The following TRMT10B variants were observed in gnomAD, a reference collection of about 807,000 sequenced individuals.
The protein encoded by TRMT10B is tRNA methyltransferase 10 homolog B.
A neutral mutation model predicts 43.8 loss-of-function variants in TRMT10B; 33 were observed. The observed-to-expected ratio is 0.75, with a 90% CI of 0.57 to 1.01. The LOEUF (loss-of-function observed/expected upper bound fraction) is 1.01, where lower values mean the gene tolerates loss of function less well. TRMT10B is among the 50% of genes least tolerant of loss of function. The probability of loss-of-function intolerance (pLI) is 0.00; values close to 1 mark genes in which losing one functional copy is unlikely to be tolerated. For missense variants in TRMT10B, 362 were observed against 369.8 expected (o/e 0.98, Z 0.17); for synonymous variants, 137 against 130.6 (o/e 1.05, Z -0.34).
At chr9:37,756,364 T>C (rs1825671396) in intron 1 of TRMT10B, among the ~76,000 whole-genome samples, 1 of 152,010 alleles carries the variant, frequency 6.6e-6, no homozygotes, top group Non-Finnish European at 1.5e-5. Context: ...AGTCTGTTCA[T>C]TCATCTAAAA....
At chr9:37,770,052 C>T in intron 6 of TRMT10B, 33 bp downstream of exon 6, 2 of 1,559,492 alleles carry the variant, frequency 1.3e-6, no homozygotes, top group Non-Finnish European at 1.8e-6. Context: ...TCGTATAGCC[C>T]ATTGTTCCTG....
chr9:37,765,673 CA>C (rs1826911981), intron 4 of TRMT10B, among the ~76,000 whole-genome samples: 2 of 152,324 alleles, frequency 1.3e-5, no homozygotes, highest in African/African-American at 4.8e-5. Context: ...CCGACTTCCA[CA>C]ATGGTTGAAC....
rs1301881935 is a variant in TRMT10B at position 37,778,964 on chromosome 9, G to GCAAA, written c.*1260_*1263dup. 3 of 143,102 alleles carry GCAAA rather than the reference G, an allele frequency of 2.1e-5. No individual in the cohort carries two copies. Among genetic ancestry groups the GCAAA allele is most frequent in the African/African-American group, 8.0e-5 (3 of 37,460 alleles). The allele number at this position is 143,102 out of a possible 1,614,324, so 8.9% of individuals were successfully genotyped here. A position where few individuals can be genotyped will look rare whatever the true frequency, so the allele number is the denominator to read the frequency against. On this transcript the variant is annotated 3_prime_UTR_variant, in exon 9 of 9. Coordinates refer to ENST00000297994, the MANE Select transcript of TRMT10B (RefSeq NM_144964.4). ...TATTTGTAACAGATTAAATTGGAAAGCAAACACAGTATTGATTAAGTCTGT... is the reference window on the plus strand; with the variant it reads ...TATTTGTAACAGATTAAATTGGAAAGCAAACAAACACAGTATTGATTAAGTCTGT...
chr9:37,757,748 T>C (rs1183347504), intron 1 of TRMT10B, among the ~76,000 whole-genome samples: 1 of 152,226 alleles, frequency 6.6e-6, no homozygotes, highest in African/African-American at 2.4e-5. Context: ...ACTTGTTTTA[T>C]ATCAGTAAGT....
In TRMT10B at chr9:37,775,949, G is replaced by A. The variant is rs77546670; in HGVS notation, c.721-333G>A. Among the ~76,000 whole-genome samples the A allele has an allele frequency of 5.0e-3, 762 of 152,328 alleles. 5 individuals carry two copies. Among genetic ancestry groups the A allele is most frequent in the African/African-American group, 0.018 (736 of 41,568 alleles). On this transcript the variant is annotated intron_variant, in intron 7 of 8. Coordinates refer to ENST00000297994, the MANE Select transcript of TRMT10B (RefSeq NM_144964.4). Reference sequence around the variant, plus strand: ...GCTGCCTTTTGGCAATGAGCTGGAAGTTCCAGATATCCAGAATTGGGTCTT... The same window carrying A: ...GCTGCCTTTTGGCAATGAGCTGGAAATTCCAGATATCCAGAATTGGGTCTT...
rs777044617 is a variant in TRMT10B at position 37,777,744 on chromosome 9, C to T, written c.*37C>T. The T allele has an allele frequency of 1.7e-5, 26 of 1,548,776 alleles. No individual in the cohort carries two copies. Among genetic ancestry groups the T allele is most frequent in the African/African-American group, 2.7e-5 (2 of 73,522 alleles). ...TTGCAGCTGCGTGGCCAGGTGCTCA[C>T]GCCGTAATGCCAACACTTTGGTAGA... On this transcript the variant is annotated 3_prime_UTR_variant, in exon 9 of 9. Coordinates refer to ENST00000297994, the MANE Select transcript of TRMT10B (RefSeq NM_144964.4).
rs377005921 is a variant in TRMT10B, at chr9:37,774,028, C to T, written c.721-2254C>T. On this transcript the variant is annotated intron_variant, in intron 7 of 8. Coordinates refer to ENST00000297994, the MANE Select transcript of TRMT10B (RefSeq NM_144964.4). ...AGTCTTACCTGCAGCAGGGTGACAG[C>T]GCCCCCACCCCGTCCAAGACAGGGC... is the stretch of plus-strand genomic sequence containing the variant. Among the ~76,000 whole-genome samples the T allele has an allele frequency of 1.1e-3, 173 of 151,858 alleles. 4 individuals are homozygous for T. The South Asian group carries it at 0.033, about 29-fold the overall frequency.
chr9:37,754,988 G>GGGTC (rs1825462963), intron 1 of TRMT10B, among the ~76,000 whole-genome samples: 1 of 152,188 alleles, frequency 6.6e-6, no homozygotes, highest in Non-Finnish European at 1.5e-5. Flanking sequence ...AAAGGTCACA[G>GGGTC]GGTCGGGTGT....
chr9:37,768,371 TTTAAAA>T, intron 5 of TRMT10B, 143 bp downstream of exon 5: 2 of 929,238 alleles, frequency 2.2e-6, no homozygotes, highest in East Asian at 5.4e-5. Context: ...AGTTCTTAAA[TTTAAAA>T]TTTTTTCTCA....
rs888671419 is a variant in TRMT10B, at chr9:37,776,282, A to G, written c.721A>G (p.Lys241Glu). 1.3e-6 allele frequency: 2 copies of G among 1,529,554 alleles called. No homozygotes were observed. Among genetic ancestry groups the G allele is most frequent in the African/African-American group, 2.8e-5 (2 of 70,896 alleles). 94.7% of individuals were successfully genotyped at this position (1,529,554 alleles called of 1,614,324 possible). A position where few individuals can be genotyped will look rare whatever the true frequency, so the allele number is the denominator to read the frequency against. Residue 241 changes from lysine to glutamate, a missense_variant and splice_region_variant, in exon 8 of 9, where the codon AAG becomes GAG. Physicochemically the swap from Lys to Glu is moderately conservative, Grantham distance 56 (BLOSUM62 1). Coordinates refer to ENST00000297994, the MANE Select transcript of TRMT10B (RefSeq NM_144964.4). ...GGLVDESIQKKVTFQKAREYS... is the reference protein window; with the variant it reads ...GGLVDESIQKEVTFQKAREYS... ...AAAATATTTAACTATATATTTACAG[A>G]AGGTGACATTTCAAAAGGCCCGGGA...
In TRMT10B at chr9:37,768,191, AGT is replaced by A. The variant is rs759432549; in HGVS notation, c.542_543del (p.Val181GlufsTer4). 4.3e-6 allele frequency: 7 copies of A among 1,613,948 alleles called. No individual in the cohort carries two copies. The highest frequency in any genetic ancestry group is 1.6e-4 in the Middle Eastern group (1 of 6,084). On this transcript the variant is annotated frameshift_variant, in exon 5 of 9. Transcript: ENST00000297994. LOFTEE classifies it high-confidence loss of function. ...ACAACAGACAGTCCCCTTTATGAAG[AGT>A]GTGTGAGGATGAATGATGGATTTTC... is the stretch of plus-strand genomic sequence containing the variant.
intron 4 of TRMT10B, among the ~76,000 whole-genome samples, chr9:37,766,687 G>T (rs999036819): frequency 1.3e-5 from 2 of 152,152 alleles, no homozygotes; most frequent in Non-Finnish European, 2.9e-5. Context: ...CCATTTTAAT[G>T]ATATTGATTT....
chr9:37,756,926 T>A (rs922316545), intron 1 of TRMT10B, among the ~76,000 whole-genome samples: 1 of 151,484 alleles, frequency 6.6e-6, no homozygotes, highest in Non-Finnish European at 1.5e-5. Flanking sequence ...ACCCAGTGAC[T>A]GGGAAGCTGA....
At chr9:37,754,115 T>TG (rs555049609) in intron 1 of TRMT10B, among the ~76,000 whole-genome samples, 38 of 152,080 alleles carry the variant, frequency 2.5e-4, no homozygotes, top group African/African-American at 8.4e-4. Context: ...ACCCATCAGG[T>TG]GGGAGTTAGG....
In TRMT10B at chr9:37,778,268, G is replaced by C. The variant is rs1828394996; in HGVS notation, c.*561G>C. 6.6e-6 allele frequency: 1 copy of C among 152,508 alleles called. No individual in the cohort carries two copies. The highest frequency in any genetic ancestry group is 6.5e-5 in the Admixed American group (1 of 15,288). 9.4% of individuals were successfully genotyped at this position (152,508 alleles called of 1,614,324 possible). Reference sequence around the variant, plus strand: ...GCAGTGGCTCACGCCTGTAATCCCAGCACTTTGGGAGGCTGAGGTGAGTGG... The same window carrying C: ...GCAGTGGCTCACGCCTGTAATCCCACCACTTTGGGAGGCTGAGGTGAGTGG... On this transcript the variant is annotated 3_prime_UTR_variant, in exon 9 of 9. Coordinates refer to ENST00000297994, the MANE Select transcript of TRMT10B (RefSeq NM_144964.4).
chr9:37,761,702 A>G (rs576953147), intron 1 of TRMT10B, among the ~76,000 whole-genome samples: 5 of 152,320 alleles, frequency 3.3e-5, no homozygotes, highest in Non-Finnish European at 7.3e-5. Flanking sequence ...GTCTCAAACA[A>G]ACAAAACTTC....
At chr9:37,770,650 T>C (rs763777991) in intron 6 of TRMT10B, 22 bp from the exon 7 acceptor site, 7 of 1,606,154 alleles carry the variant, frequency 4.4e-6, no homozygotes, top group African/African-American at 4.0e-5. Context: ...TTTGATCTCA[T>C]TGGCCTTCAT....
intron 1 of TRMT10B, among the ~76,000 whole-genome samples, chr9:37,756,021 T>C (rs890973892): frequency 2.0e-5 from 3 of 152,196 alleles, no homozygotes; most frequent in Non-Finnish European, 4.4e-5. Context: ...TAGATCTCTT[T>C]TCCCCTCCTT....
In TRMT10B at chr9:37,769,932, A is replaced by G. The variant is rs751305576; in HGVS notation, c.574-9A>G. 8 of 1,613,452 alleles carry G rather than the reference A, an allele frequency of 5.0e-6. No homozygotes were observed. The South Asian group carries it at 5.5e-5, about 11-fold the overall frequency. ...GCTGTTTTAACATCAGACTGTTTGC[A>G]TTTTCCAGTTAGACATAACAGAAGA... On this transcript the variant is annotated splice_polypyrimidine_tract_variant and intron_variant, in intron 5 of 8. Transcript: ENST00000297994.
Sources: allele counts gnomAD v4.1 joint callset (sites outside exome capture counted in the v4.1 genomes callset), GRCh38; gene constraint gnomAD v4.1.1; transcripts MANE v1.5; gene names NCBI Gene and HGNC (gene_info 2026-07-23, HGNC 2026-07-21).